Variants in SIL1 observed in about 807,000 individuals in gnomAD.
The protein encoded by SIL1 is nucleotide exchange factor SIL1.
A neutral mutation model predicts 49.1 loss-of-function variants in SIL1; 40 were observed. The ratio of observed to expected loss-of-function variants is 0.81; its 90% confidence interval spans 0.63 to 1.06. The LOEUF (loss-of-function observed/expected upper bound fraction) is 1.06. Among genes scored for constraint, SIL1 ranks in the 50% least tolerant of loss-of-function variants. The probability of loss-of-function intolerance (pLI) is 0.00; values close to 1 mark genes in which losing one functional copy is unlikely to be tolerated. For synonymous variants in SIL1, 253 were observed against 250.8 expected (o/e 1.01, Z -0.08); for missense variants, 500 against 572.6 (o/e 0.87, Z 1.29).
At chr5:139,137,477 G>C (rs1414890375) in intron 1 of SIL1, 25 of 561,958 alleles carry the variant, frequency 4.4e-5, no homozygotes, top group South Asian at 2.2e-4. Context: ...TATTTGTTCT[G>C]CAACAGTATA....
chr5:139,071,488 T>C (rs1242480992), intron 3 of SIL1, among the ~76,000 whole-genome samples: 1 of 152,148 alleles, frequency 6.6e-6, no homozygotes, highest in African/African-American at 2.4e-5. Flanking sequence ...CTCATTAAGC[T>C]ACATATTTTG....
chr5:138,947,866 G>T lies in SIL1; in HGVS notation c.1030-393C>A, dbSNP rs1455486749. ...GCTGAATGACCATGGCTGGCACTTA[G>T]CCTCCCTGAGACTCATCGTCATCAC... is the stretch of plus-strand genomic sequence containing the variant. On this transcript the variant is annotated intron_variant, in intron 9 of 9. Transcript: ENST00000394817. This position sits in a 1 kb window ranked among gnomAD's most constrained non-coding sequence, Gnocchi z 4.1. Among the ~76,000 whole-genome samples, 6 of 152,200 alleles carry T rather than the reference G, an allele frequency of 3.9e-5. No individual in the cohort carries two copies. Among genetic ancestry groups the T allele is most frequent in the African/African-American group, 1.4e-4 (6 of 41,458 alleles).
intron 3 of SIL1, among the ~76,000 whole-genome samples, chr5:139,061,797 C>T (rs1394538720): frequency 3.3e-5 from 5 of 152,118 alleles, no homozygotes; most frequent in South Asian, 4.1e-4. Flanking sequence ...TAAAAACTCC[C>T]GGTTATGCTG....
At chr5:139,125,732 G>C (rs1236358081) in intron 2 of SIL1, among the ~76,000 whole-genome samples, 1 of 152,190 alleles carries the variant, frequency 6.6e-6, no homozygotes. Context: ...TGCCAAAGTG[G>C]GAGGCAAAAG....
chr5:139,135,291 C>A lies in SIL1; in HGVS notation c.-10-7438G>T, dbSNP rs79686117. On this transcript the variant is annotated intron_variant, in intron 1 of 9. Transcript: ENST00000394817. ...TCTCCCCTATGTTTTGAAGTCATGC[C>A]TAGGGCCAAGCAAAGAGGGACTGCT... Among the ~76,000 whole-genome samples the A allele has an allele frequency of 9.4e-3, 1,433 of 152,192 alleles. 24 individuals are homozygous for A. Among genetic ancestry groups the A allele is most frequent in the African/African-American group, 0.033 (1,357 of 41,520 alleles).
At chr5:138,989,594 A>C (rs1177927148) in intron 7 of SIL1, among the ~76,000 whole-genome samples, 2 of 152,088 alleles carry the variant, frequency 1.3e-5, no homozygotes, top group African/African-American at 2.4e-5. Context: ...ATACGGAAGG[A>C]GGGAGGGGAA....
chr5:139,112,877 G>GA (rs1284617741), intron 3 of SIL1, among the ~76,000 whole-genome samples: 2 of 152,208 alleles, frequency 1.3e-5, no homozygotes. Context: ...GTGGGGAAAA[G>GA]ATAGAGAAAT....
intron 7 of SIL1, among the ~76,000 whole-genome samples, chr5:139,009,173 T>C (rs1343779817): frequency 6.7e-6 from 1 of 149,432 alleles, no homozygotes; most frequent in East Asian, 2.0e-4. Flanking sequence ...ATATTTAGGA[T>C]AGTTAGCTCT....
intron 5 of SIL1, among the ~76,000 whole-genome samples, chr5:139,029,660 G>A (rs911858009): frequency 6.6e-6 from 1 of 151,594 alleles, no homozygotes; most frequent in Non-Finnish European, 1.5e-5. Context: ...CACCACGCCT[G>A]GCTAAAATTT....
chr5:139,112,698 G>C (rs1021927686), intron 3 of SIL1, among the ~76,000 whole-genome samples: 10 of 149,460 alleles, frequency 6.7e-5, no homozygotes, highest in African/African-American at 2.5e-4. Context: ...CCTCCGCCCG[G>C]CCGCCGCCCC....
At chr5:138,975,980 A>C (rs1023073111) in intron 7 of SIL1, among the ~76,000 whole-genome samples, 1 of 152,280 alleles carries the variant, frequency 6.6e-6, no homozygotes, top group East Asian at 1.9e-4. Flanking sequence ...CATAGCTAAT[A>C]AACTGGACAA....
intron 1 of SIL1, chr5:139,155,479 A>AGAGAGAGAGAGAGAGAGAGAGAGAGAGAG (rs1216396519): frequency 2.2e-3 from 165 of 74,180 alleles, no homozygotes; most frequent in Non-Finnish European, 4.0e-3. Context: ...GAGAGAGAGA[A>AGAGAGAGAGAGAGAGAGAGAGAGAGAGAG]CGAGCTCTCG....
chr5:139,055,925 G>C (rs571745220), intron 3 of SIL1, among the ~76,000 whole-genome samples: 2 of 152,062 alleles, frequency 1.3e-5, no homozygotes, highest in East Asian at 1.9e-4. Flanking sequence ...CGCCAGCCTC[G>C]ACCTCCCGAA....
chr5:139,029,119 T>G (rs1325936480), intron 5 of SIL1, among the ~76,000 whole-genome samples: 1 of 152,208 alleles, frequency 6.6e-6, no homozygotes, highest in African/African-American at 2.4e-5. Flanking sequence ...ATTTATATTT[T>G]TTAAATTCTA....
intron 3 of SIL1, among the ~76,000 whole-genome samples, chr5:139,119,620 GT>G (rs1270743594): frequency 1.3e-5 from 2 of 152,162 alleles, no homozygotes; most frequent in Non-Finnish European, 2.9e-5. Flanking sequence ...AATTAGCTGG[GT>G]GTGGTGGCTT....
At chr5:139,028,253 A>G (rs1487837583) in intron 5 of SIL1, among the ~76,000 whole-genome samples, 1 of 151,348 alleles carries the variant, frequency 6.6e-6, no homozygotes, top group Non-Finnish European at 1.5e-5. Context: ...TAATCCCAGC[A>G]CTTTGGTAGG....
In SIL1 at chr5:139,026,984, C is replaced by G. The variant is rs1394405704; in HGVS notation, c.462G>C (p.Gln154His). 2 of 1,614,168 alleles carry G rather than the reference C, an allele frequency of 1.2e-6. No homozygotes were observed. The highest frequency in any genetic ancestry group is 2.2e-5 in the East Asian group (1 of 44,884). The change falls in exon 6 of 10, where the codon CAG (glutamine) becomes CAC (histidine). Residue 154 changes from glutamine (Q) to histidine (H), a missense_variant. Physicochemically the swap from Gln to His is conservative, Grantham distance 24. Transcript: ENST00000394817. ...MESSKEDKAR[Q>H]AEVKRLFRPI... Reference sequence around the variant, plus strand: ...GGCGGAAGAGCCGCTTTACCTCAGCCTGCCTTGCCTAAGGAGAGCAGCAAA... The same window carrying G: ...GGCGGAAGAGCCGCTTTACCTCAGCGTGCCTTGCCTAAGGAGAGCAGCAAA...
chr5:139,150,468 C>T (rs1466754266), intron 1 of SIL1, among the ~76,000 whole-genome samples: 1 of 152,126 alleles, frequency 6.6e-6, no homozygotes, highest in Non-Finnish European at 1.5e-5. Flanking sequence ...GTCCCTCCCC[C>T]TATGCTCCTG....
chr5:139,184,465 G>T (rs769362948), intron 1 of SIL1, among the ~76,000 whole-genome samples: 17 of 152,066 alleles, frequency 1.1e-4, no homozygotes, highest in Non-Finnish European at 1.8e-4. Context: ...TTGAGGCCAG[G>T]AGTTCAAGAC....
Sources: gnomAD v4.1 joint callset for allele counts (sites outside exome capture counted in the v4.1 genomes callset) on GRCh38, gnomAD v4.1.1 for gene constraint, Gnocchi (gnomAD v3.1) non-coding constraint, MANE v1.5 for transcripts, NCBI Gene and HGNC (gene_info 2026-07-23, HGNC 2026-07-21) for gene names.